The following XPNPEP1 variants were observed in gnomAD, a reference collection of about 807,000 sequenced individuals.
XPNPEP1 encodes the protein xaa-Pro aminopeptidase 1.
Under a neutral mutation model 92.4 loss-of-function variants are expected in XPNPEP1, and 39 were observed. That is an observed-to-expected ratio of 0.42 (90% CI 0.33 to 0.55). XPNPEP1 has a LOEUF of 0.55. XPNPEP1 is among the 20% of genes least tolerant of loss of function. XPNPEP1 has a pLI of 0.08. For synonymous variants in XPNPEP1, 307 were observed against 299.4 expected (o/e 1.03, Z -0.26); for missense variants, 654 against 856.1 (o/e 0.76, Z 2.95).
At chr10:109,911,905 T>C (rs1564791765) in intron 2 of XPNPEP1, among the ~76,000 whole-genome samples, 2 of 152,246 alleles carry the variant, frequency 1.3e-5, no homozygotes, top group Non-Finnish European at 1.5e-5. Context: ...TTAGTGCTGA[T>C]TGTAGTATCA....
intron 2 of XPNPEP1, among the ~76,000 whole-genome samples, chr10:109,910,070 C>T (rs1849780487): frequency 6.6e-6 from 1 of 152,214 alleles, no homozygotes; most frequent in Admixed American, 6.5e-5. Context: ...ACACAGAGTA[C>T]TTTCACTGCC....
At chr10:109,890,211 A>C (rs1182580783) in intron 5 of XPNPEP1, among the ~76,000 whole-genome samples, 2 of 152,176 alleles carry the variant, frequency 1.3e-5, no homozygotes, top group Non-Finnish European at 2.9e-5. Context: ...ACAGGCAGGC[A>C]GTGTTTGCGC....
At chr10:109,874,420 C>A (rs1443998707) in intron 15 of XPNPEP1, among the ~76,000 whole-genome samples, 2 of 152,206 alleles carry the variant, frequency 1.3e-5, no homozygotes, top group African/African-American at 2.4e-5. Flanking sequence ...TATCTTAACA[C>A]ACACTAGACT....
intron 1 of XPNPEP1, among the ~76,000 whole-genome samples, chr10:109,917,925 C>T (rs1365131466): frequency 6.6e-6 from 1 of 152,052 alleles, no homozygotes; most frequent in Non-Finnish European, 1.5e-5. Context: ...ATAAAGTTTC[C>T]AACATGGCAA....
chr10:109,874,031 A>G (rs1836394816), intron 15 of XPNPEP1, among the ~76,000 whole-genome samples: 1 of 152,218 alleles, frequency 6.6e-6, no homozygotes, highest in South Asian at 2.1e-4. Context: ...TGGGGTAATG[A>G]AAATGTTCTA....
intron 2 of XPNPEP1, among the ~76,000 whole-genome samples, chr10:109,909,995 G>T (rs187773184): frequency 6.6e-6 from 1 of 152,136 alleles, no homozygotes; most frequent in Non-Finnish European, 1.5e-5. Flanking sequence ...GCATTCATTC[G>T]TGGTGTTGTA....
intron 9 of XPNPEP1, chr10:109,883,768 G>T (rs1381501363): frequency 7.2e-6 from 2 of 279,438 alleles, no homozygotes. Flanking sequence ...ACCCAGAATT[G>T]TATAATTGAG....
At chr10:109,888,462 C>T (rs1172053110) in intron 6 of XPNPEP1, 41 bp downstream of exon 6, 1 of 1,559,560 alleles carries the variant, frequency 6.4e-7, no homozygotes, top group Non-Finnish European at 8.7e-7. Flanking sequence ...AATCTAGAAG[C>T]CACTTCCTTA....
At chr10:109,877,507 C>A in intron 14 of XPNPEP1, 1 of 417,296 alleles carries the variant, frequency 2.4e-6, no homozygotes. Flanking sequence ...AAGGGCTATG[C>A]ATACAGTTCC....
chr10:109,878,463 A>C (rs1469635011), intron 12 of XPNPEP1: 1 of 172,312 alleles, frequency 5.8e-6, no homozygotes, highest in Non-Finnish European at 1.3e-5. Flanking sequence ...CCAAACATTT[A>C]AAAATAGGAG....
chr10:109,890,217 T>G (rs1025458853), intron 5 of XPNPEP1, among the ~76,000 whole-genome samples: 4 of 152,172 alleles, frequency 2.6e-5, no homozygotes, highest in African/African-American at 9.7e-5. Context: ...AGGCAGTGTT[T>G]GCGCCTCTGA....
chr10:109,885,246 G>C (rs903663121), intron 8 of XPNPEP1, among the ~76,000 whole-genome samples: 10 of 152,178 alleles, frequency 6.6e-5, no homozygotes, highest in Admixed American at 6.5e-4. Context: ...CCACATGATG[G>C]AGTATTTAAT....
intron 9 of XPNPEP1, among the ~76,000 whole-genome samples, chr10:109,883,202 C>G (rs773238640): frequency 6.6e-6 from 1 of 152,184 alleles, no homozygotes; most frequent in Non-Finnish European, 1.5e-5. Flanking sequence ...TCTGGCCTCA[C>G]TATGTTCTGA....
At chr10:109,896,118 G>C (rs1848971504) in intron 3 of XPNPEP1, among the ~76,000 whole-genome samples, 1 of 152,070 alleles carries the variant, frequency 6.6e-6, no homozygotes. Flanking sequence ...GCCTATAAAA[G>C]TATTTCTGAT....
At chr10:109,889,079 C>T (rs1252324303) in intron 5 of XPNPEP1, among the ~76,000 whole-genome samples, 1 of 152,210 alleles carries the variant, frequency 6.6e-6, no homozygotes, top group Non-Finnish European at 1.5e-5. Context: ...GGCAGGGTGG[C>T]CAAGAGAAGG....
chr10:109,915,835 G>A (rs1564795822), intron 1 of XPNPEP1, among the ~76,000 whole-genome samples: 1 of 152,150 alleles, frequency 6.6e-6, no homozygotes, highest in Non-Finnish European at 1.5e-5. Flanking sequence ...CCAGGCTCAG[G>A]TTACTAGCAT....
At chr10:109,922,177 G>A (rs1850578689) in intron 1 of XPNPEP1, among the ~76,000 whole-genome samples, 1 of 152,160 alleles carries the variant, frequency 6.6e-6, no homozygotes, top group Non-Finnish European at 1.5e-5. Flanking sequence ...CTACCAGTAG[G>A]GGAGGCGCCT....
At chr10:109,895,717 G>T (rs1431970849) in intron 3 of XPNPEP1, among the ~76,000 whole-genome samples, 3 of 152,216 alleles carry the variant, frequency 2.0e-5, no homozygotes, top group African/African-American at 4.8e-5. Context: ...TAGCATGCTA[G>T]GAAAAAGGCA....
At chr10:109,898,295 G>C (rs1849091048) in intron 3 of XPNPEP1, among the ~76,000 whole-genome samples, 1 of 152,206 alleles carries the variant, frequency 6.6e-6, no homozygotes, top group East Asian at 1.9e-4. Flanking sequence ...AACATCTGAT[G>C]AACTGCAGCA....
Sources: gnomAD v4.1 joint callset for allele counts (sites outside exome capture counted in the v4.1 genomes callset) on GRCh38, gnomAD v4.1.1 for gene constraint, MANE v1.5 for transcripts, NCBI Gene and HGNC (gene_info 2026-07-23, HGNC 2026-07-21) for gene names.